DGKH: variants seen among roughly 807,000 people sequenced by gnomAD.
The protein encoded by DGKH is diacylglycerol kinase eta.
DGKH carries 90 observed loss-of-function variants against 159.3 expected under a neutral mutation model. The ratio of observed to expected loss-of-function variants is 0.57; its 90% CI spans 0.48 to 0.67. The LOEUF is 0.67. Ranked by LOEUF, DGKH falls within the 30% of genes least tolerant of loss-of-function variation. The pLI is 0.00. For missense variants in DGKH, 1,181 were observed against 1,506.1 expected, an observed-to-expected ratio of 0.78 and a Z score of 3.57; for synonymous variants, 536 against 553.8, an observed-to-expected ratio of 0.97 and a Z score of 0.45.
At chr13:42,108,520 T>A (rs1954803745) in intron 1 of DGKH, among the ~76,000 whole-genome samples, 1 of 152,160 alleles carries the variant, frequency 6.6e-6, no homozygotes, top group Non-Finnish European at 1.5e-5. Context: ...AATTTTGGAA[T>A]TAGAATCTAG....
chr13:42,150,717 T>A (rs1955858236), intron 3 of DGKH, among the ~76,000 whole-genome samples: 1 of 152,244 alleles, frequency 6.6e-6, no homozygotes. Flanking sequence ...CAGGTATTAT[T>A]GATTTACCAG....
At chr13:42,251,543 A>G (rs533638657) in intron 29 of DGKH, among the ~76,000 whole-genome samples, 198 of 152,274 alleles carry the variant, frequency 1.3e-3, no homozygotes, top group Middle Eastern at 6.8e-3. Flanking sequence ...GTATTGAGTC[A>G]AAATGAAAGG....
intron 3 of DGKH, among the ~76,000 whole-genome samples, chr13:42,153,239 A>T (rs926266266): frequency 3.3e-5 from 5 of 152,220 alleles, no homozygotes; most frequent in Non-Finnish European, 5.9e-5. Flanking sequence ...GTAATTCCAA[A>T]TACACAAAGA....
intron 24 of DGKH, among the ~76,000 whole-genome samples, chr13:42,211,715 A>G (rs1450887735): frequency 1.3e-5 from 2 of 152,108 alleles, no homozygotes; most frequent in African/African-American, 4.8e-5. Context: ...AGAAGAAAAA[A>G]AAGAGGTTTA....
At chr13:42,155,946 C>A in intron 5 of DGKH, 147 bp downstream of exon 5, 2 of 926,070 alleles carry the variant, frequency 2.2e-6, no homozygotes, top group Admixed American at 3.1e-5. Context: ...AAAACATAGT[C>A]ATTTAAAGGA....
At position 42,159,264 on chromosome 13, in the gene DGKH, A is replaced by ATTGTTTAAATTAAAG; in HGVS notation, c.623-2_623-1insTTGTTTAAATTAAAG. 1 of 99,106 alleles carries ATTGTTTAAATTAAAG rather than the reference A, an allele frequency of 1.0e-5. No homozygotes were observed. The highest frequency in any genetic ancestry group is 1.6e-5 in the Non-Finnish European group (1 of 62,604). 6.1% of individuals were successfully genotyped at this position (99,106 alleles called of 1,614,324 possible). On this transcript the variant is annotated splice_acceptor_variant, in intron 5 of 29. Transcript: ENST00000337343. LOFTEE classifies it high-confidence loss of function. ...TTGCTCTTTTTTTTTTTTTTTTTTT[A>ATTGTTTAAATTAAAG]GTGTGTAAATTCAAGGCTCACAAAA...
chr13:42,177,830 T>C (rs903537541), intron 12 of DGKH, among the ~76,000 whole-genome samples: 1 of 152,198 alleles, frequency 6.6e-6, no homozygotes, highest in Non-Finnish European at 1.5e-5. Context: ...TTTTATTAGA[T>C]TTTTTGGCTT....
intron 14 of DGKH, among the ~76,000 whole-genome samples, chr13:42,187,755 G>A (rs12877052): frequency 0.12 from 18,137 of 152,102 alleles, 1,541 homozygotes; most frequent in East Asian, 0.4. Flanking sequence ...AGAAAGCAAG[G>A]TTTTCCATTT....
chr13:42,172,125 G>A (rs1594140006), intron 11 of DGKH, among the ~76,000 whole-genome samples: 1 of 150,146 alleles, frequency 6.7e-6, no homozygotes, highest in African/African-American at 2.5e-5. Flanking sequence ...ACCACACCCA[G>A]CCTCTTTTTT....
chr13:42,217,630 TA>T (rs1346742064), intron 26 of DGKH, among the ~76,000 whole-genome samples: 3 of 152,144 alleles, frequency 2.0e-5, no homozygotes, highest in Non-Finnish European at 4.4e-5. Flanking sequence ...ATAATAACAG[TA>T]ATATTATCTC....
In DGKH at chr13:42,127,520, A is replaced by G; in HGVS notation, c.250A>G (p.Lys84Glu). 6.2e-7 allele frequency: 1 copy of G among 1,613,892 alleles called. No homozygotes were observed. Among genetic ancestry groups the G allele is most frequent in the Non-Finnish European group, 8.5e-7 (1 of 1,179,844 alleles). Residue 84 changes from lysine to glutamate, a missense_variant, in exon 2 of 30, where the codon AAG (lysine) becomes GAG (glutamate). By Grantham distance (56) the Lys-to-Glu change is moderately conservative. Around this residue, in one of 5 missense-constraint regions of DGKH, gnomAD observed 136 missense variants for 132.2 expected, o/e 1.03. Coordinates refer to ENST00000337343, the MANE Select transcript of DGKH (RefSeq NM_178009.5). ...AACCAGTTCTTTCCAAAGGTGGAAA[A>G]AGCGATACTTCAAACTTCGAGGCCG... ...KQTSSFQRWK[K>E]RYFKLRGRTL...
chr13:42,187,709 G>T (rs1274574950), intron 14 of DGKH, among the ~76,000 whole-genome samples: 1 of 152,090 alleles, frequency 6.6e-6, no homozygotes, highest in Non-Finnish European at 1.5e-5. Flanking sequence ...ATAGCAGTCA[G>T]ACCACAGGGG....
chr13:42,183,018 G>A (rs1268917624), intron 13 of DGKH, among the ~76,000 whole-genome samples: 1 of 152,080 alleles, frequency 6.6e-6, no homozygotes, highest in African/African-American at 2.4e-5. Context: ...ACCAGGCATG[G>A]TGGTCCATGC....
At chr13:42,131,426 T>C (rs1955288305) in intron 3 of DGKH, among the ~76,000 whole-genome samples, 1 of 152,138 alleles carries the variant, frequency 6.6e-6, no homozygotes, top group African/African-American at 2.4e-5. Context: ...GGTTAAGAGA[T>C]CAGCATTGAA....
At chr13:42,188,289 C>T (rs924733456) in intron 14 of DGKH, among the ~76,000 whole-genome samples, 6 of 152,170 alleles carry the variant, frequency 3.9e-5, no homozygotes, top group Non-Finnish European at 7.4e-5. Flanking sequence ...GTAGCATCAA[C>T]AGCTTCAGTC....
intron 1 of DGKH, among the ~76,000 whole-genome samples, chr13:42,041,667 C>T (rs975106460): frequency 6.6e-6 from 1 of 152,152 alleles, no homozygotes; most frequent in Non-Finnish European, 1.5e-5. Flanking sequence ...CGTCTCACAT[C>T]CCTCCAGGGA....
intron 11 of DGKH, among the ~76,000 whole-genome samples, chr13:42,170,929 C>T (rs986338897): frequency 2.2e-4 from 27 of 124,266 alleles, no homozygotes; most frequent in South Asian, 1.4e-3. Context: ...GCCAACAGAG[C>T]GAGACTCTGT....
intron 3 of DGKH, among the ~76,000 whole-genome samples, chr13:42,132,984 C>T (rs1415063334): frequency 1.1e-4 from 17 of 151,988 alleles, no homozygotes; most frequent in South Asian, 2.1e-4. Flanking sequence ...CTGGCTAACA[C>T]GGTGAAACCC....
At chr13:42,188,228 T>C (rs1035775596) in intron 14 of DGKH, among the ~76,000 whole-genome samples, 1 of 152,136 alleles carries the variant, frequency 6.6e-6, no homozygotes, top group African/African-American at 2.4e-5. Context: ...GACAAATAGA[T>C]GAGGAGGAAA....
Sources: gnomAD v4.1 joint callset for allele counts (sites outside exome capture counted in the v4.1 genomes callset) on GRCh38, gnomAD v4.1.1 for gene constraint, gnomAD v4.1.1 regional missense constraint, MANE v1.5 for transcripts, NCBI Gene and HGNC (gene_info 2026-07-23, HGNC 2026-07-21) for gene names.